Variants in PDXDC1 observed in about 807,000 individuals in gnomAD.
PDXDC1 encodes pyridoxal-dependent decarboxylase domain-containing protein 1.
PDXDC1 carries 42 observed loss-of-function variants against 100.1 expected under a neutral mutation model. The ratio of observed to expected loss-of-function variants is 0.42; its 90% CI spans 0.33 to 0.54. The LOEUF is 0.54. PDXDC1 is among the 20% of genes least tolerant of loss of function. The probability of loss-of-function intolerance (pLI) is 0.10; values close to 1 mark genes in which losing one functional copy is unlikely to be tolerated. For synonymous variants in PDXDC1, 260 were observed against 371.7 expected (o/e 0.70, Z 3.46); for missense variants, 636 against 979.2 (o/e 0.65, Z 4.68).
At chr16:15,093,581 A>C (rs2046227850) in intron 16 of PDXDC1, among the ~76,000 whole-genome samples, 1 of 152,316 alleles carries the variant, frequency 6.6e-6, no homozygotes, top group African/African-American at 2.4e-5. Flanking sequence ...ATATTACGCT[A>C]ATTGTTTTAC....
rs1209569064 is a variant in PDXDC1 at position 15,109,656 on chromosome 16, C to CAAAAAAAA, written c.1400-29184_1400-29177dup. On this transcript the variant is annotated intron_variant, in intron 16 of 16. Transcript: ENST00000535621. ...TGGGTGACAGAGTGAGACTCTGTCT[C>CAAAAAAAA]AAAAAAAAAAAAAAAAAAAAAAAAA... Among the ~76,000 whole-genome samples the CAAAAAAAA allele has an allele frequency of 5.9e-4, 11 of 18,706 alleles. 5 individuals are homozygous for CAAAAAAAA. The highest frequency in any genetic ancestry group is 3.3e-3 in the African/African-American group (11 of 3,376). The allele number at this position is 18,706 out of a possible 152,430, so 12.3% of individuals were successfully genotyped here.
At chr16:15,124,689 T>C (rs973717594) in intron 16 of PDXDC1, among the ~76,000 whole-genome samples, 3 of 151,602 alleles carry the variant, frequency 2.0e-5, no homozygotes, top group Admixed American at 2.0e-4. Context: ...GGAGAACAGT[T>C]TGAACCCGGG....
At chr16:15,050,103 C>T (rs2044238887) in intron 16 of PDXDC1, among the ~76,000 whole-genome samples, 2 of 152,054 alleles carry the variant, frequency 1.3e-5, no homozygotes, top group Admixed American at 6.6e-5. Flanking sequence ...ATGGATAAGG[C>T]AAATTTACGA....
chr16:15,097,468 C>CAAAAAAAAA (rs71152407), intron 16 of PDXDC1, among the ~76,000 whole-genome samples: 272 of 65,350 alleles, frequency 4.2e-3, no homozygotes, highest in African/African-American at 7.5e-3. Flanking sequence ...ACTAAAAATA[C>CAAAAAAAAA]AAAAAAAAAA....
chr16:15,088,200 C>G (rs1355711579), intron 16 of PDXDC1, among the ~76,000 whole-genome samples: 17 of 151,980 alleles, frequency 1.1e-4, no homozygotes, highest in Non-Finnish European at 1.5e-5. Flanking sequence ...CAGGCAGGAA[C>G]AGTGGCTCAT....
intron 16 of PDXDC1, among the ~76,000 whole-genome samples, chr16:15,111,530 C>T (rs1048978902): frequency 4.1e-5 from 6 of 147,466 alleles, no homozygotes; most frequent in East Asian, 3.9e-4. Context: ...GAGGCCGAGG[C>T]GGGTGAATCA....
At chr16:15,068,418 T>C (rs2045072929) in intron 16 of PDXDC1, 1 of 1,093,288 alleles carries the variant, frequency 9.1e-7, no homozygotes, top group Admixed American at 3.0e-5. Flanking sequence ...TAAAGGTCCA[T>C]GCAGATAGTC....
intron 16 of PDXDC1, among the ~76,000 whole-genome samples, chr16:15,087,778 T>C (rs1045518704): frequency 2.0e-5 from 3 of 152,170 alleles, no homozygotes; most frequent in Admixed American, 2.0e-4. Context: ...CTAAAAAGAC[T>C]GCAACAAAAC....
At chr16:15,129,198 G>A (rs997981130) in intron 16 of PDXDC1, among the ~76,000 whole-genome samples, 15 of 151,956 alleles carry the variant, frequency 9.9e-5, no homozygotes, top group South Asian at 6.2e-4. Flanking sequence ...GCCAGGTGTG[G>A]TGGCTCACAC....
downstream of PDXDC1, among the ~76,000 whole-genome samples, chr16:15,038,851 T>C (rs1423267160): frequency 6.6e-6 from 1 of 152,202 alleles, no homozygotes; most frequent in Non-Finnish European, 1.5e-5. Flanking sequence ...ACACGTCCAG[T>C]GTGTCTGCTT....
chr16:15,093,993 A>G (rs1183860549), intron 16 of PDXDC1: 1 of 698,304 alleles, frequency 1.4e-6, no homozygotes, highest in East Asian at 2.8e-5. Flanking sequence ...GTTAGGAGGA[A>G]TGAGCTCATT....
At chr16:14,979,499 A>G (rs966891141) in intron 1 of PDXDC1, among the ~76,000 whole-genome samples, 14 of 152,284 alleles carry the variant, frequency 9.2e-5, no homozygotes, top group Non-Finnish European at 2.9e-5. Flanking sequence ...CATATTGACC[A>G]GGCTGGTCTC....
In PDXDC1 at chr16:15,018,865, A is replaced by G; in HGVS notation, c.989A>G (p.Asn330Ser). Residue 330 changes from asparagine to serine, a missense_variant, in exon 12 of 23, where the codon AAT becomes AGT. Coordinates refer to ENST00000396410, the MANE Select transcript of PDXDC1 (RefSeq NM_015027.4). Reference sequence around the variant, plus strand: ...ACTTTAGTTGCTGGTCTTACATCAAATAAGCCCACAGACAAACTCCGTGCC... The same window carrying G: ...ACTTTAGTTGCTGGTCTTACATCAAGTAAGCCCACAGACAAACTCCGTGCC... Reference protein sequence around the residue: ...ALTLVAGLTSNKPTDKLRALP... With the variant: ...ALTLVAGLTSSKPTDKLRALP... The G allele has an allele frequency of 6.2e-7, 1 of 1,614,082 alleles. No individual in the cohort carries two copies. The highest frequency in any genetic ancestry group is 8.5e-7 in the Non-Finnish European group (1 of 1,179,888).
intron 16 of PDXDC1, chr16:15,125,417 G>A (rs972668899): frequency 1.1e-5 from 9 of 812,538 alleles, no homozygotes; most frequent in South Asian, 4.1e-5. Context: ...CTGGGCTTCC[G>A]AGCAAACCTG....
chr16:15,011,193 A>C (rs2041228723), intron 8 of PDXDC1, among the ~76,000 whole-genome samples: 1 of 152,300 alleles, frequency 6.6e-6, no homozygotes, highest in African/African-American at 2.4e-5. Context: ...GTAAAGTAGC[A>C]AGTAAGACTG....
intron 16 of PDXDC1, among the ~76,000 whole-genome samples, chr16:15,097,865 C>T (rs1236509484): frequency 6.7e-6 from 1 of 148,384 alleles, no homozygotes; most frequent in Non-Finnish European, 1.5e-5. Context: ...ACTATATTTA[C>T]TTTTATTTGT....
At chr16:15,128,672 A>G (rs374097930) in intron 16 of PDXDC1, among the ~76,000 whole-genome samples, 14 of 151,892 alleles carry the variant, frequency 9.2e-5, no homozygotes, top group Admixed American at 3.3e-4. Context: ...AGTGACCCGC[A>G]CTGCACACCT....
chr16:15,014,671 A>C (rs2041645641), intron 8 of PDXDC1, among the ~76,000 whole-genome samples: 1 of 152,266 alleles, frequency 6.6e-6, no homozygotes, highest in Non-Finnish European at 1.5e-5. Flanking sequence ...TACTTTCTTT[A>C]GCTGTGTTTG....
At chr16:15,071,349 G>C (rs1267428172) in intron 16 of PDXDC1, 55 of 1,135,872 alleles carry the variant, frequency 4.8e-5, no homozygotes, top group Middle Eastern at 3.1e-4. Flanking sequence ...GTAGGGAAAA[G>C]TTCTACTATC....
Sources: gnomAD v4.1 joint callset for allele counts (sites outside exome capture counted in the v4.1 genomes callset) on GRCh38, gnomAD v4.1.1 for gene constraint, MANE v1.5 for transcripts, NCBI Gene and HGNC (gene_info 2026-07-23, HGNC 2026-07-21) for gene names.